Variants in APPL2 observed in about 807,000 individuals in gnomAD.
APPL2 encodes adaptor protein, phosphotyrosine interacting with PH domain and leucine zipper 2, also known as DCC-interacting protein 13-beta.
Under a neutral mutation model 92.7 loss-of-function variants are expected in APPL2, and 84 were observed. That is an observed-to-expected ratio of 0.91 (90% CI 0.76 to 1.09). The LOEUF (loss-of-function observed/expected upper bound fraction) is 1.09, where lower values mean the gene tolerates loss of function less well. Among genes scored for constraint, APPL2 ranks in the 50% least tolerant of loss-of-function variants. APPL2 has a pLI of 0.00. For synonymous variants in APPL2, 291 were observed against 291.0 expected, an observed-to-expected ratio of 1.00 and a Z score of 0.00; for missense variants, 736 against 824.5, an observed-to-expected ratio of 0.89 and a Z score of 1.31.
chr12:105,226,266 T>C (rs1890496536), intron 2 of APPL2, among the ~76,000 whole-genome samples: 2 of 152,142 alleles, frequency 1.3e-5, no homozygotes, highest in South Asian at 4.1e-4. Context: ...AAAAACCAAG[T>C]GTCCTTGGCC....
chr12:105,229,866 C>T, intron 1 of APPL2: 9 of 623,984 alleles, frequency 1.4e-5, no homozygotes, highest in Non-Finnish European at 1.8e-5. Context: ...GCAACCTCTG[C>T]TTCCCGGGCT....
At chr12:105,199,617 C>A (rs1887973094) in intron 9 of APPL2, 86 bp from the exon 10 acceptor site, 2 of 1,450,296 alleles carry the variant, frequency 1.4e-6, no homozygotes, top group Non-Finnish European at 9.3e-7. Flanking sequence ...CACTCCACCC[C>A]CGCAAAGCTT....
chr12:105,203,691 G>A lies in APPL2; in HGVS notation c.704+12C>T. The stretch of plus-strand genomic sequence containing the variant: ...AAGGGGCACACAAGACCCGGCCGGA[G>A]TGCAGCATTACCTTTGAACCATGTC... On this transcript the variant is annotated intron_variant, in intron 9 of 20. Coordinates refer to ENST00000258530, the MANE Select transcript of APPL2 (RefSeq NM_018171.5). 2.5e-6 allele frequency: 4 copies of A among 1,613,654 alleles called. No homozygotes were observed. Among genetic ancestry groups the A allele is most frequent in the Non-Finnish European group, 3.4e-6 (4 of 1,179,526 alleles).
At chr12:105,198,101 A>C in intron 10 of APPL2, 148 bp from the exon 11 acceptor site, 6 of 740,372 alleles carry the variant, frequency 8.1e-6, no homozygotes, top group Non-Finnish European at 1.1e-5. Context: ...ATTCAAGTGG[A>C]AAGAGCAGCA....
chr12:105,183,843 G>C (rs928456064), intron 17 of APPL2, among the ~76,000 whole-genome samples: 2 of 152,178 alleles, frequency 1.3e-5, no homozygotes, highest in African/African-American at 4.8e-5. Flanking sequence ...ATAATATCCT[G>C]AAGAGTGTTT....
At chr12:105,227,304 A>T (rs527435380) in intron 2 of APPL2, among the ~76,000 whole-genome samples, 2 of 152,152 alleles carry the variant, frequency 1.3e-5, no homozygotes, top group Non-Finnish European at 2.9e-5. Context: ...GTTCTAATTA[A>T]TAAGTTACAC....
Position 105,215,932 on chromosome 12 carries a change from CAGG to C in APPL2, c.285+1134_285+1136del, listed in dbSNP as rs548689806. ...GTCCCAGCTACTCGGGAGGCTGAGCCAGGAGAATGGTGTGAACCCGGGAGGTGG... is the reference window on the plus strand; with the variant it reads ...GTCCCAGCTACTCGGGAGGCTGAGCCAGAATGGTGTGAACCCGGGAGGTGG... On this transcript the variant is annotated intron_variant, in intron 4 of 20. Coordinates refer to ENST00000258530, the MANE Select transcript of APPL2 (RefSeq NM_018171.5). 1.4e-3 allele frequency among the ~76,000 whole-genome samples: 209 copies of C among 152,150 alleles called. 2 individuals are homozygous for C. The highest frequency in any genetic ancestry group is 4.5e-3 in the African/African-American group (188 of 41,534).
rs1343277765 is a variant in APPL2 at position 105,173,735 on chromosome 12, A to C, written c.*579T>G. 1 of 152,322 alleles carries C rather than the reference A, an allele frequency of 6.6e-6. No homozygotes were observed. The highest frequency in any genetic ancestry group is 1.9e-4 in the East Asian group (1 of 5,204). 9.4% of individuals were successfully genotyped at this position (152,322 alleles called of 1,614,324 possible). On this transcript the variant is annotated 3_prime_UTR_variant, in exon 21 of 21. Coordinates refer to ENST00000258530, the MANE Select transcript of APPL2 (RefSeq NM_018171.5). The stretch of plus-strand genomic sequence containing the variant: ...TTATTGCTTGATGTCTGGAACAGTT[A>C]CCGAAACTAGACCTGTATCGCGCAT...
chr12:105,230,736 T>C (rs1257896341), intron 1 of APPL2, among the ~76,000 whole-genome samples: 2 of 152,254 alleles, frequency 1.3e-5, no homozygotes, highest in Admixed American at 6.5e-5. Flanking sequence ...AAAACTCTGA[T>C]GCGCTTCACA....
chr12:105,214,281 G>T (rs373868973), intron 4 of APPL2, among the ~76,000 whole-genome samples: 49 of 152,342 alleles, frequency 3.2e-4, no homozygotes, highest in African/African-American at 1.1e-3. Context: ...CAACGTGGTT[G>T]TAAGTAAATA....
intron 2 of APPL2, among the ~76,000 whole-genome samples, chr12:105,224,816 T>G (rs1008669568): frequency 5.9e-5 from 9 of 152,242 alleles, no homozygotes; most frequent in African/African-American, 2.2e-4. Context: ...TCATCTGGTT[T>G]CCCACTCGGT....
intron 4 of APPL2, among the ~76,000 whole-genome samples, chr12:105,214,986 CG>C (rs757362024): frequency 1.4e-4 from 22 of 152,206 alleles, no homozygotes; most frequent in Non-Finnish European, 2.2e-4. Flanking sequence ...AGAGAGGGCA[CG>C]GAAGTTCCAC....
In APPL2 at chr12:105,227,221, C is replaced by CAA. The variant is rs1306305714; in HGVS notation, c.153+1902_153+1903dup. Among the ~76,000 whole-genome samples the CAA allele has an allele frequency of 3.9e-5, 6 of 152,040 alleles. No homozygotes were observed. The East Asian group carries it at 1.2e-3, about 29-fold the overall frequency. ...CTCACTATATTGACTAGGCTGGTCT[C>CAA]AAACTCCTGGCCTCAAGCAATCCTC... On this transcript the variant is annotated intron_variant, in intron 2 of 20. Transcript: ENST00000258530.
At chr12:105,182,413 AT>A (rs1392361240) in intron 17 of APPL2, among the ~76,000 whole-genome samples, 1 of 152,180 alleles carries the variant, frequency 6.6e-6, no homozygotes, top group Admixed American at 6.5e-5. Flanking sequence ...CTATAAAAAC[AT>A]TGCTTTAGCT....
In APPL2 at chr12:105,190,138, G is replaced by C. The variant is rs764145042; in HGVS notation, c.1259C>G (p.Ser420Ter). The C allele has an allele frequency of 1.2e-6, 2 of 1,613,768 alleles. No homozygotes were observed. The highest frequency in any genetic ancestry group is 1.1e-5 in the South Asian group (1 of 91,046). ...CTTGTCATTTTCATTTTCCATCTCT[G>C]AATTTTTCAGGTTCTGGCTGAAGGG... ...SSCPSQNLKN[S>*]EMENENDKIV... is the part of the protein sequence containing the mutation. Residue 420 changes from serine (S) to a stop codon, truncating the protein, a stop_gained, in exon 15 of 21, where the codon TCA becomes TGA. Transcript: ENST00000258530. LOFTEE classifies it high-confidence loss of function.
At chr12:105,178,452 T>A (rs1885768638) in intron 17 of APPL2, among the ~76,000 whole-genome samples, 2 of 152,162 alleles carry the variant, frequency 1.3e-5, no homozygotes, top group Non-Finnish European at 2.9e-5. Flanking sequence ...TAAAATTGAT[T>A]GTGATGATGG....
chr12:105,190,164 GA>G lies in APPL2; in HGVS notation c.1242-10del, dbSNP rs766932250. 1.2e-5 allele frequency: 20 copies of G among 1,608,448 alleles called. No homozygotes were observed. In the African/African-American group the frequency reaches 2.0e-4, roughly 16 times the overall value. Reference sequence around the variant, plus strand: ...AATTTTTCAGGTTCTGGCTGAAGGGGAAAAAAATCAATTCCCTTAACCTTAC... The same window carrying G: ...AATTTTTCAGGTTCTGGCTGAAGGGGAAAAAATCAATTCCCTTAACCTTAC... On this transcript the variant is annotated splice_polypyrimidine_tract_variant and intron_variant, in intron 14 of 20. Coordinates refer to ENST00000258530, the MANE Select transcript of APPL2 (RefSeq NM_018171.5).
chr12:105,236,032 G>T lies in APPL2; in HGVS notation c.-20C>A. ...GGGCATGGTGCGGCGCGGCTCAGCC[G>T]AGGGCTGGGTTGGAAGGACAGAGGG... On this transcript the variant is annotated 5_prime_UTR_variant, in exon 1 of 21. Transcript: ENST00000258530. 8.1e-7 allele frequency: 1 copy of T among 1,240,546 alleles called. No homozygotes were observed. The allele number at this position is 1,240,546 out of a possible 1,614,324, so 76.8% of individuals were successfully genotyped here.
At chr12:105,180,485 T>G (rs1232292536) in intron 17 of APPL2, among the ~76,000 whole-genome samples, 2 of 152,250 alleles carry the variant, frequency 1.3e-5, no homozygotes, top group African/African-American at 4.8e-5. Context: ...ATATGAAATT[T>G]AAAGTAGTTT....
Sources: gnomAD v4.1 joint callset for allele counts (sites outside exome capture counted in the v4.1 genomes callset) on GRCh38, gnomAD v4.1.1 for gene constraint, MANE v1.5 for transcripts, NCBI Gene and HGNC (gene_info 2026-07-23, HGNC 2026-07-21) for gene names.